Variants in CDH4 observed in about 807,000 individuals in gnomAD.
The protein encoded by CDH4 is cadherin 4.
Under a neutral mutation model 86.0 loss-of-function variants are expected in CDH4, and 33 were observed. That is an observed-to-expected ratio of 0.38 (90% confidence interval 0.29 to 0.51). CDH4 has a LOEUF of 0.51. CDH4 is among the 20% of genes least tolerant of loss of function. The pLI, the probability that CDH4 is intolerant of heterozygous loss-of-function variation, is 0.86. For missense variants in CDH4, 1,114 were observed against 1,307.4 expected, an observed-to-expected ratio of 0.85 and a Z score of 2.28; for synonymous variants, 555 against 549.4, an observed-to-expected ratio of 1.01 and a Z score of -0.14.
intron 6 of CDH4, among the ~76,000 whole-genome samples, chr20:61,869,733 A>C (rs1372039383): frequency 6.6e-6 from 1 of 152,110 alleles, no homozygotes; most frequent in East Asian, 1.9e-4. Flanking sequence ...TCCTCCCTAC[A>C]TGAAATCACA....
intron 4 of CDH4, among the ~76,000 whole-genome samples, chr20:61,821,926 C>G (rs545503028): frequency 5.3e-5 from 8 of 152,238 alleles, no homozygotes; most frequent in African/African-American, 1.4e-4. Flanking sequence ...GGCTCTGCCC[C>G]GCCTCCTTGT....
At chr20:61,404,975 G>T (rs541268384) in intron 2 of CDH4, among the ~76,000 whole-genome samples, 1 of 152,288 alleles carries the variant, frequency 6.6e-6, no homozygotes, top group East Asian at 1.9e-4. Context: ...GCTTGAACCT[G>T]GGAGGCGGAG....
chr20:61,722,166 CTTCTTTAGATGCAGGACCTGCTTTGGGG>C (rs1221291824), intron 2 of CDH4, among the ~76,000 whole-genome samples: 1 of 151,468 alleles, frequency 6.6e-6, no homozygotes, highest in Non-Finnish European at 1.5e-5. Flanking sequence ...ATTAAAATTA[CTTCTTTAGATGCAGGACCTGCTTTGGGG>C]TTTTTTTTCT....
chr20:61,368,783 C>T (rs1450347263), intron 2 of CDH4, among the ~76,000 whole-genome samples: 1 of 152,136 alleles, frequency 6.6e-6, no homozygotes, highest in Non-Finnish European at 1.5e-5. Flanking sequence ...TCCCAAAGTG[C>T]TGGGATTACA....
chr20:61,758,170 G>A (rs529346248), intron 3 of CDH4, among the ~76,000 whole-genome samples: 30 of 152,286 alleles, frequency 2.0e-4, no homozygotes, highest in African/African-American at 6.5e-4. Context: ...TGGACAGAGG[G>A]TAGAGGCGCT....
chr20:61,475,867 G>A (rs1439155826), intron 2 of CDH4, among the ~76,000 whole-genome samples: 3 of 151,680 alleles, frequency 2.0e-5, no homozygotes, highest in African/African-American at 4.8e-5. Context: ...TACTAATTCT[G>A]AAAGAAAGCT....
At chr20:61,430,167 C>T (rs867249557) in intron 2 of CDH4, among the ~76,000 whole-genome samples, 38 of 152,224 alleles carry the variant, frequency 2.5e-4, no homozygotes, top group Admixed American at 7.2e-4. Flanking sequence ...GCCTTTGGTG[C>T]CATCTCTCTT....
At chr20:61,674,069 G>A (rs1472936784) in intron 2 of CDH4, among the ~76,000 whole-genome samples, 1 of 152,164 alleles carries the variant, frequency 6.6e-6, no homozygotes, top group East Asian at 1.9e-4. Flanking sequence ...GCCTGGTTTT[G>A]GGGGTGTGCA....
At chr20:61,624,455 C>G (rs1412811617) in intron 2 of CDH4, among the ~76,000 whole-genome samples, 2 of 152,194 alleles carry the variant, frequency 1.3e-5, no homozygotes, top group African/African-American at 4.8e-5. Context: ...AGGCTTAGCT[C>G]ACAGCAAGGA....
At chr20:61,906,768 G>C (rs2054793636) in intron 8 of CDH4, among the ~76,000 whole-genome samples, 1 of 151,840 alleles carries the variant, frequency 6.6e-6, no homozygotes, top group Non-Finnish European at 1.5e-5. Flanking sequence ...GCTGCTTTGG[G>C]GCAAGACGGT....
chr20:61,269,130 C>A lies in CDH4; in HGVS notation c.169+14193C>A, dbSNP rs145121409. Among the ~76,000 whole-genome samples, 595 of 152,292 alleles carry A rather than the reference C, an allele frequency of 3.9e-3. 4 individuals are homozygous for A. Among genetic ancestry groups the A allele is most frequent in the African/African-American group, 0.014 (572 of 41,554 alleles). ...GTTCTGGTCCACTGATGGAGCCCTCCCCATGCCGGGTGCTGCACCGTACCA... is the reference window on the plus strand; with the variant it reads ...GTTCTGGTCCACTGATGGAGCCCTCACCATGCCGGGTGCTGCACCGTACCA... On this transcript the variant is annotated intron_variant, in intron 2 of 15. Transcript: ENST00000614565. The surrounding 1 kb of genome is among the most constrained non-coding windows in gnomAD (Gnocchi z 5.3).
chr20:61,361,965 C>T (rs921881135), intron 2 of CDH4, among the ~76,000 whole-genome samples: 3 of 152,360 alleles, frequency 2.0e-5, no homozygotes, highest in Admixed American at 2.0e-4. Flanking sequence ...CATCTGCCAT[C>T]CCGGAGCCCA....
Position 61,380,081 on chromosome 20 carries a change from A to G in CDH4, c.169+125144A>G, listed in dbSNP as rs113092149. On this transcript the variant is annotated intron_variant, in intron 2 of 15. Coordinates refer to ENST00000614565, the MANE Select transcript of CDH4 (RefSeq NM_001794.5). The stretch of plus-strand genomic sequence containing the variant: ...GGATGCATAGGGAGAGATGGTGTTG[A>G]GCATATTATTTTGCATAATTTATGC... Among the ~76,000 whole-genome samples the G allele has an allele frequency of 3.2e-3, 485 of 152,296 alleles. 5 individuals are homozygous for G. The highest frequency in any genetic ancestry group is 0.011 in the African/African-American group (456 of 41,566).
intron 4 of CDH4, among the ~76,000 whole-genome samples, chr20:61,783,873 A>G (rs868848217): frequency 0.022 from 187 of 8,406 alleles, 7 homozygotes; most frequent in Admixed American, 0.033. Flanking sequence ...CTGTGCCCCC[A>G]AGAGAAATGT....
At chr20:61,457,645 GATGGTC>G (rs1210300344) in intron 2 of CDH4, among the ~76,000 whole-genome samples, 17 of 152,006 alleles carry the variant, frequency 1.1e-4, no homozygotes, top group African/African-American at 4.1e-4. Flanking sequence ...GTGATGGTAA[GATGGTC>G]ATGGTCATGA....
chr20:61,736,130 C>A (rs894750611), intron 2 of CDH4, among the ~76,000 whole-genome samples: 1 of 152,176 alleles, frequency 6.6e-6, no homozygotes, highest in Non-Finnish European at 1.5e-5. Flanking sequence ...TCAGCAGCCT[C>A]CATGCAACAT....
chr20:61,869,930 C>T (rs901225849), intron 6 of CDH4, among the ~76,000 whole-genome samples: 2 of 152,210 alleles, frequency 1.3e-5, no homozygotes, highest in Non-Finnish European at 2.9e-5. Flanking sequence ...CCCATGATGT[C>T]GTGAGGTTAT....
At chr20:61,710,123 G>C (rs2087874071) in intron 2 of CDH4, among the ~76,000 whole-genome samples, 1 of 152,114 alleles carries the variant, frequency 6.6e-6, no homozygotes, top group Non-Finnish European at 1.5e-5. Flanking sequence ...GCCCTGCCGG[G>C]CGGGTCTGCA....
At chr20:61,789,136 G>A (rs946939167) in intron 4 of CDH4, among the ~76,000 whole-genome samples, 6 of 152,186 alleles carry the variant, frequency 3.9e-5, no homozygotes, top group African/African-American at 1.4e-4. Context: ...TACCAACCCG[G>A]GGAAAAGTCC....
Sources: allele counts gnomAD v4.1 joint callset (sites outside exome capture counted in the v4.1 genomes callset), GRCh38; gene constraint gnomAD v4.1.1; non-coding constraint Gnocchi (gnomAD v3.1); transcripts MANE v1.5; gene names NCBI Gene and HGNC (gene_info 2026-07-23, HGNC 2026-07-21).